NTM: variants seen among roughly 807,000 people sequenced by gnomAD.
NTM encodes neurotrimin, also known as IgLON family member 2.
Under a neutral mutation model 42.1 loss-of-function variants are expected in NTM, and 13 were observed. That is an observed-to-expected ratio of 0.31 (90% CI 0.20 to 0.49). NTM has a LOEUF of 0.49. NTM is among the 20% of genes least tolerant of loss of function. The probability of loss-of-function intolerance (pLI) is 0.99; values close to 1 mark genes in which losing one functional copy is unlikely to be tolerated. For missense variants in NTM, 373 were observed against 452.8 expected, an observed-to-expected ratio of 0.82 and a Z score of 1.60; for synonymous variants, 187 against 179.2, an observed-to-expected ratio of 1.04 and a Z score of -0.35.
At chr11:131,493,456 A>T (rs1472933754) in intron 1 of NTM, among the ~76,000 whole-genome samples, 2 of 152,172 alleles carry the variant, frequency 1.3e-5, no homozygotes, top group Non-Finnish European at 2.9e-5. Flanking sequence ...TCCAGGTTGC[A>T]GCTTCTCTGG....
chr11:131,834,084 A>G (rs2043170287), intron 1 of NTM, among the ~76,000 whole-genome samples: 1 of 152,110 alleles, frequency 6.6e-6, no homozygotes, highest in Non-Finnish European at 1.5e-5. Flanking sequence ...TTATCCTGAT[A>G]TCTTCTCTTT....
chr11:132,225,860 T>A (rs1411478194), intron 4 of NTM, among the ~76,000 whole-genome samples: 1 of 152,082 alleles, frequency 6.6e-6, no homozygotes, highest in Non-Finnish European at 1.5e-5. Context: ...ATCCCTCCTC[T>A]AGCCCCCCAA....
At chr11:131,552,947 C>T (rs1049094680) in intron 1 of NTM, among the ~76,000 whole-genome samples, 4 of 152,228 alleles carry the variant, frequency 2.6e-5, no homozygotes, top group South Asian at 2.1e-4. Flanking sequence ...ATTCAAACTA[C>T]GTATCACAAA....
At chr11:131,654,411 G>A (rs2066909525) in intron 1 of NTM, among the ~76,000 whole-genome samples, 1 of 152,086 alleles carries the variant, frequency 6.6e-6, no homozygotes, top group Non-Finnish European at 1.5e-5. Context: ...CAGTTGTATT[G>A]AAAAGCAACT....
intron 2 of NTM, among the ~76,000 whole-genome samples, chr11:132,049,063 G>C (rs1322408752): frequency 1.3e-5 from 2 of 152,022 alleles, no homozygotes; most frequent in African/African-American, 4.8e-5. Flanking sequence ...ATATGACCAG[G>C]TCATAGGAAA....
At chr11:132,147,551 C>T (rs1333909881) in intron 3 of NTM, among the ~76,000 whole-genome samples, 1 of 29,892 alleles carries the variant, frequency 3.3e-5, no homozygotes, top group African/African-American at 6.3e-4. Flanking sequence ...AGCTATGGAG[C>T]TTTCTTTTCT....
At position 131,544,366 on chromosome 11, in the gene NTM, A is replaced by G. The variant is rs1018823319; in HGVS notation, c.82+173478A>G. Among the ~76,000 whole-genome samples the G allele has an allele frequency of 2.6e-5, 4 of 152,164 alleles. 1 individual carries two copies. The East Asian group carries it at 7.7e-4, about 29-fold the overall frequency. On this transcript the variant is annotated intron_variant, in intron 1 of 8. Transcript: ENST00000683400. ...TTCAGTGCCTGGTTCGTTTGTCTAC[A>G]GTTCTCATCTCCCCTACCTCCTCTT...
chr11:131,680,447 C>G (rs550899698), intron 1 of NTM, among the ~76,000 whole-genome samples: 2,145 of 78,402 alleles, frequency 0.027, 26 homozygotes, highest in African/African-American at 0.089. Context: ...GAGATCATAT[C>G]TGTGTCTGTG....
chr11:132,297,194 G>A (rs1253983391), intron 4 of NTM, among the ~76,000 whole-genome samples: 2 of 152,130 alleles, frequency 1.3e-5, no homozygotes, highest in Non-Finnish European at 2.9e-5. Flanking sequence ...GCACCTTGTA[G>A]TTTTCTCCCA....
chr11:131,785,825 G>T (rs1350645826), intron 1 of NTM, among the ~76,000 whole-genome samples: 2 of 152,222 alleles, frequency 1.3e-5, no homozygotes, highest in African/African-American at 4.8e-5. Flanking sequence ...TATAAAGACT[G>T]ATATGCCTAT....
chr11:132,085,389 C>T (rs1420696176), intron 2 of NTM, among the ~76,000 whole-genome samples: 1 of 152,158 alleles, frequency 6.6e-6, no homozygotes, highest in Admixed American at 6.5e-5. Context: ...GTGGTTAATT[C>T]CATATATCCC....
chr11:131,528,170 T>C (rs553160392), intron 1 of NTM, among the ~76,000 whole-genome samples: 37 of 152,358 alleles, frequency 2.4e-4, no homozygotes, highest in African/African-American at 8.2e-4. Flanking sequence ...TTGTCTGTTT[T>C]TATTTAACTT....
At chr11:132,082,723 CAG>C (rs1310938180) in intron 2 of NTM, among the ~76,000 whole-genome samples, 3 of 152,180 alleles carry the variant, frequency 2.0e-5, no homozygotes, top group Non-Finnish European at 4.4e-5. Context: ...ATCCTGCTGA[CAG>C]GGGGCACTGT....
At chr11:132,103,670 C>T (rs1377352177) in intron 2 of NTM, among the ~76,000 whole-genome samples, 1 of 152,198 alleles carries the variant, frequency 6.6e-6, no homozygotes, top group Non-Finnish European at 1.5e-5. Flanking sequence ...AGATACTTAA[C>T]CCTAAAAGGG....
rs541976226 is a variant in NTM, at chr11:131,739,101, GA to G, written c.83-172462del. ...AAGCTTACAGTCACATTATAAAGATGATTGAGATTCCATGCCTCAGTGGACT... is the reference window on the plus strand; with the variant it reads ...AAGCTTACAGTCACATTATAAAGATGTTGAGATTCCATGCCTCAGTGGACT... On this transcript the variant is annotated intron_variant, in intron 1 of 8. Coordinates refer to ENST00000683400, the MANE Select transcript of NTM (RefSeq NM_001352005.2). 4.6e-5 allele frequency among the ~76,000 whole-genome samples: 7 copies of G among 152,116 alleles called. No individual in the cohort carries two copies. The East Asian group carries it at 9.7e-4, about 21-fold the overall frequency.
At chr11:132,063,615 G>T (rs1360631306) in intron 2 of NTM, among the ~76,000 whole-genome samples, 2 of 152,146 alleles carry the variant, frequency 1.3e-5, no homozygotes, top group Non-Finnish European at 2.9e-5. Flanking sequence ...CCCTAATTGT[G>T]CAGTTATTTC....
At chr11:131,577,996 T>C (rs1206244248) in intron 1 of NTM, among the ~76,000 whole-genome samples, 4 of 152,194 alleles carry the variant, frequency 2.6e-5, no homozygotes, top group Non-Finnish European at 5.9e-5. Flanking sequence ...TGAACAACTA[T>C]AGCTAACAGG....
chr11:132,143,875 T>C (rs757035083), intron 2 of NTM, among the ~76,000 whole-genome samples: 3 of 152,154 alleles, frequency 2.0e-5, no homozygotes, highest in Non-Finnish European at 4.4e-5. Context: ...GGTACACCCT[T>C]AGGTGTAGTA....
intron 1 of NTM, among the ~76,000 whole-genome samples, chr11:131,736,458 C>G (rs2080457727): frequency 6.6e-6 from 1 of 152,190 alleles, no homozygotes; most frequent in Admixed American, 6.5e-5. Context: ...GAGGTCCAAA[C>G]TCTTCTCCAC....
Sources: allele counts gnomAD v4.1 joint callset (sites outside exome capture counted in the v4.1 genomes callset), GRCh38; gene constraint gnomAD v4.1.1; transcripts MANE v1.5; gene names NCBI Gene and HGNC (gene_info 2026-07-23, HGNC 2026-07-21).